Variants in PTPN21 observed in about 807,000 individuals in gnomAD.
PTPN21 encodes protein tyrosine phosphatase non-receptor type 21, also known as tyrosine-protein phosphatase non-receptor type 21.
PTPN21 carries 77 observed loss-of-function variants against 131.8 expected under a neutral mutation model. That is an observed-to-expected ratio of 0.58 (90% CI 0.49 to 0.71). The LOEUF (loss-of-function observed/expected upper bound fraction) is 0.71. Ranked by LOEUF, PTPN21 falls within the 30% of genes least tolerant of loss-of-function variation. The probability of loss-of-function intolerance (pLI) is 0.00; values close to 1 mark genes in which losing one functional copy is unlikely to be tolerated. For missense variants in PTPN21, 1,552 were observed against 1,527.1 expected, an observed-to-expected ratio of 1.02 and a Z score of -0.27; for synonymous variants, 715 against 621.3, an observed-to-expected ratio of 1.15 and a Z score of -2.24.
intron 2 of PTPN21, among the ~76,000 whole-genome samples, chr14:88,536,517 T>TG (rs1481840668): frequency 7.2e-5 from 11 of 152,298 alleles, no homozygotes; most frequent in Admixed American, 4.6e-4. Context: ...AAATTTGAGA[T>TG]GGGGAAAAAA....
At chr14:88,486,995 A>G (rs1170809574) in intron 10 of PTPN21, among the ~76,000 whole-genome samples, 1 of 151,850 alleles carries the variant, frequency 6.6e-6, no homozygotes, top group African/African-American at 2.4e-5. Context: ...AAAAAAAAAA[A>G]AAGTACCTAA....
intron 2 of PTPN21, among the ~76,000 whole-genome samples, chr14:88,535,370 G>A (rs934906692): frequency 6.6e-6 from 1 of 152,186 alleles, no homozygotes; most frequent in African/African-American, 2.4e-5. Context: ...CAATGCCTGA[G>A]ATTCCAATAG....
chr14:88,502,585 T>C (rs1159133670), intron 6 of PTPN21, among the ~76,000 whole-genome samples: 6 of 152,210 alleles, frequency 3.9e-5, no homozygotes, highest in Non-Finnish European at 7.3e-5. Context: ...TGTCATAGCA[T>C]CCAGCACTCT....
chr14:88,499,738 T>C (rs2077980825), intron 8 of PTPN21, among the ~76,000 whole-genome samples: 1 of 152,092 alleles, frequency 6.6e-6, no homozygotes, highest in Non-Finnish European at 1.5e-5. Context: ...AAAACAGAAG[T>C]GATAGAATAT....
At chr14:88,471,500 T>C (rs1178799989) in intron 15 of PTPN21, among the ~76,000 whole-genome samples, 1 of 152,106 alleles carries the variant, frequency 6.6e-6, no homozygotes, top group Non-Finnish European at 1.5e-5. Context: ...TGGATATCCA[T>C]AAGCAGAAAA....
At position 88,479,264 on chromosome 14, in the gene PTPN21, T is replaced by TCTCCTCCTCGAAGTCCTCGTCCTC; in HGVS notation, c.2143_2166dup (p.Glu715_Glu722dup). ...CGTGCAGGAGGCGCCCGGGCCCCGCTCTCCTCCTCGAAGTCCTCGTCCTCC... is the reference window on the plus strand; with the variant it reads ...CGTGCAGGAGGCGCCCGGGCCCCGCTCTCCTCCTCGAAGTCCTCGTCCTCCTCCTCCTCGAAGTCCTCGTCCTCC... On this transcript the variant is annotated inframe_insertion, in exon 13 of 19. Transcript: ENST00000556564. 8 of 1,612,510 alleles carry TCTCCTCCTCGAAGTCCTCGTCCTC rather than the reference T, an allele frequency of 5.0e-6. No individual in the cohort carries two copies. Among genetic ancestry groups the TCTCCTCCTCGAAGTCCTCGTCCTC allele is most frequent in the South Asian group, 2.2e-5 (2 of 91,010 alleles).
At chr14:88,508,420 C>T (rs1199597607) in intron 3 of PTPN21, among the ~76,000 whole-genome samples, 1 of 152,096 alleles carries the variant, frequency 6.6e-6, no homozygotes, top group East Asian at 1.9e-4. Flanking sequence ...AATGTTGGGA[C>T]TACGGACATG....
chr14:88,498,238 T>C (rs2077954599), intron 8 of PTPN21, among the ~76,000 whole-genome samples: 1 of 151,570 alleles, frequency 6.6e-6, no homozygotes, highest in Non-Finnish European at 1.5e-5. Context: ...ATTGTGCCAC[T>C]GCATGCCAGT....
At chr14:88,546,514 T>C (rs28573077) in intron 2 of PTPN21, among the ~76,000 whole-genome samples, 12,718 of 149,522 alleles carry the variant, frequency 0.085, 867 homozygotes, top group African/African-American at 0.19. Flanking sequence ...AGGCAGAGGT[T>C]GCAGTGAACC....
chr14:88,515,760 A>G (rs1396929952), intron 3 of PTPN21, among the ~76,000 whole-genome samples: 1 of 152,184 alleles, frequency 6.6e-6, no homozygotes, highest in Non-Finnish European at 1.5e-5. Context: ...TGAACTGCCA[A>G]TTCCACCAGA....
In PTPN21 at chr14:88,504,453, T is replaced by G. The variant is rs1566830164; in HGVS notation, c.559A>C (p.Lys187Gln). The G allele has an allele frequency of 1.2e-6, 2 of 1,612,892 alleles. No individual in the cohort carries two copies. The highest frequency in any genetic ancestry group is 1.7e-6 in the Non-Finnish European group (2 of 1,178,894). Residue 187 changes from lysine (K) to glutamine (Q), a missense_variant, in exon 6 of 19, where the codon AAA (lysine) becomes CAA (glutamine). By Grantham distance (53) the Lys-to-Gln change is moderately conservative. Transcript: ENST00000556564. ...TATTTCTGATGTAGTAAGGCCACTT[T>G]TTGGGTTGCTTCTTCCAATACTTTT... ...DEKVLEEATQ[K>Q]VALLHQKYRG...
chr14:88,485,827 G>A lies in PTPN21; in HGVS notation c.948C>T (p.Val316=), dbSNP rs1157482709. The A allele has an allele frequency of 1.6e-5, 26 of 1,607,156 alleles. No individual in the cohort carries two copies. Among genetic ancestry groups the A allele is most frequent in the Non-Finnish European group, 2.2e-5 (26 of 1,174,374 alleles). The change falls in exon 11 of 19, where the codon GTC becomes GTT. Residue 316 remains valine (V), a synonymous_variant. Coordinates refer to ENST00000556564, the MANE Select transcript of PTPN21 (RefSeq NM_007039.4). ...ACCTCCTCCTGATTGGGTTCACTGT[G>A]ACAGTCTGAGTTTGCCTATAAAATA... ...LNQCNLQTQT[V]TVNPIRRRSS...
Position 88,469,989 on chromosome 14 carries a change from C to G in PTPN21, c.2933G>C (p.Cys978Ser), listed in dbSNP as rs746152357. The G allele has an allele frequency of 8.7e-6, 14 of 1,613,604 alleles. No homozygotes were observed. The highest frequency in any genetic ancestry group is 1.1e-5 in the Non-Finnish European group (13 of 1,179,694). Reference protein sequence around the residue: ...IATQGPLQNTCQDFWQMVWEQ... With the variant: ...IATQGPLQNTSQDFWQMVWEQ... The stretch of plus-strand genomic sequence containing the variant: ...CCATACCATCTGCCAAAAATCTTGA[C>G]AGGTATTCTGTAATGGTCCCTGTGT... The change falls in exon 16 of 19, where the codon TGT becomes TCT. Residue 978 changes from cysteine (C) to serine (S), a missense_variant. Physicochemically the swap from Cys to Ser is moderately radical, Grantham distance 112 (BLOSUM62 -1). This residue lies in a region of PTPN21 where 316 missense variants were observed against 378.5 expected (regional missense o/e 0.83). Transcript: ENST00000556564. The surrounding 1 kb of genome is among the most constrained non-coding windows in gnomAD (Gnocchi z 4.3).
At chr14:88,553,596 TAAAG>T (rs2078892081) in intron 1 of PTPN21, among the ~76,000 whole-genome samples, 1 of 152,016 alleles carries the variant, frequency 6.6e-6, no homozygotes, top group African/African-American at 2.4e-5. Flanking sequence ...AAATAGCTAT[TAAAG>T]GAAAACTAGG....
chr14:88,470,111 C>T, intron 15 of PTPN21, 61 bp from the exon 16 acceptor site: 3 of 1,515,244 alleles, frequency 2.0e-6, no homozygotes, highest in South Asian at 1.2e-5. Context: ...GGTATGTATG[C>T]ATGCATTCAT....
At chr14:88,504,296 G>A (rs1408265913) in intron 6 of PTPN21, 129 bp downstream of exon 6, 7 of 708,072 alleles carry the variant, frequency 9.9e-6, no homozygotes, top group Admixed American at 4.6e-5. Flanking sequence ...TAATAGTAGT[G>A]GCAGTAATGT....
At chr14:88,538,616 A>G (rs1198178814) in intron 2 of PTPN21, among the ~76,000 whole-genome samples, 1 of 152,202 alleles carries the variant, frequency 6.6e-6, no homozygotes, top group Non-Finnish European at 1.5e-5. Flanking sequence ...TCTCCAGAGT[A>G]CTTACAAAAA....
chr14:88,536,260 T>C (rs2078629605), intron 2 of PTPN21, among the ~76,000 whole-genome samples: 1 of 152,238 alleles, frequency 6.6e-6, no homozygotes, highest in Admixed American at 6.5e-5. Context: ...AACAAACATA[T>C]CAGGATAGTT....
chr14:88,516,068 G>T (rs2078264178), intron 3 of PTPN21, among the ~76,000 whole-genome samples: 1 of 152,122 alleles, frequency 6.6e-6, no homozygotes, highest in South Asian at 2.1e-4. Context: ...CTTACTATCT[G>T]CAAGGCACTG....
Sources: allele counts gnomAD v4.1 joint callset (sites outside exome capture counted in the v4.1 genomes callset), GRCh38; gene constraint gnomAD v4.1.1; regional missense constraint gnomAD v4.1.1; non-coding constraint Gnocchi (gnomAD v3.1); transcripts MANE v1.5; gene names NCBI Gene and HGNC (gene_info 2026-07-23, HGNC 2026-07-21).